ERG: variants seen among roughly 807,000 people sequenced by gnomAD.
ERG encodes ETS transcription factor ERG.
ERG carries 9 observed loss-of-function variants against 55.3 expected under a neutral mutation model. That is an observed-to-expected ratio of 0.16 (90% CI 0.10 to 0.28). The LOEUF is 0.28. Ranked by LOEUF, ERG falls within the 10% of genes least tolerant of loss-of-function variation. The probability of loss-of-function intolerance (pLI) is 1.00; values close to 1 mark genes in which losing one functional copy is unlikely to be tolerated. For synonymous variants in ERG, 223 were observed against 237.3 expected (o/e 0.94, Z 0.55); for missense variants, 434 against 631.6 (o/e 0.69, Z 3.35).
intron 2 of ERG, among the ~76,000 whole-genome samples, chr21:38,426,930 C>CA (rs11447837): frequency 0.84 from 123,791 of 147,684 alleles, 51,809 homozygotes; most frequent in South Asian, 0.91. Flanking sequence ...GACTCCATGT[C>CA]AAAAAAAAAA....
intron 4 of ERG, 75 bp from the exon 5 acceptor site, chr21:38,402,712 CAAAAAAAAA>C (rs759434219): frequency 9.7e-5 from 16 of 165,216 alleles, no homozygotes; most frequent in South Asian, 5.3e-4. Flanking sequence ...ACCTTTCTTA[CAAAAAAAAA>C]AAAAAAAAAA....
chr21:38,573,650 C>T (rs915108851), intron 2 of ERG, among the ~76,000 whole-genome samples: 18 of 152,192 alleles, frequency 1.2e-4, no homozygotes, highest in Non-Finnish European at 2.2e-4. Flanking sequence ...CTTATTATCA[C>T]CCTGCTCTCC....
intron 1 of ERG, among the ~76,000 whole-genome samples, chr21:38,600,709 G>A (rs1601298401): frequency 6.6e-6 from 1 of 152,322 alleles, no homozygotes; most frequent in South Asian, 2.1e-4. Flanking sequence ...CACAGAACCA[G>A]TTGAATGTAG....
intron 1 of ERG, among the ~76,000 whole-genome samples, chr21:38,462,552 G>A (rs1235351004): frequency 6.6e-6 from 1 of 152,164 alleles, no homozygotes; most frequent in Non-Finnish European, 1.5e-5. Flanking sequence ...CAGTAGCTAA[G>A]TGTCATAGAA....
intron 1 of ERG, among the ~76,000 whole-genome samples, chr21:38,649,303 A>G (rs565185685): frequency 1.3e-5 from 2 of 152,246 alleles, no homozygotes; most frequent in African/African-American, 4.8e-5. Context: ...TGAGCTGATG[A>G]CGTAGCGTTT....
intron 3 of ERG, among the ~76,000 whole-genome samples, chr21:38,416,485 G>A (rs915743397): frequency 6.6e-6 from 1 of 152,148 alleles, no homozygotes; most frequent in African/African-American, 2.4e-5. Flanking sequence ...CAGCATCTTG[G>A]GCAAGCTTGT....
At chr21:38,444,737 A>C (rs890245183) in intron 2 of ERG, among the ~76,000 whole-genome samples, 43 of 147,848 alleles carry the variant, frequency 2.9e-4, no homozygotes, top group East Asian at 3.9e-4. Context: ...AAAAAAAAAA[A>C]AAACAAACAG....
At chr21:38,431,580 G>C (rs1990214595) in intron 2 of ERG, among the ~76,000 whole-genome samples, 1 of 152,164 alleles carries the variant, frequency 6.6e-6, no homozygotes, top group Non-Finnish European at 1.5e-5. Flanking sequence ...CACTGAGTAA[G>C]CTTACTATTT....
chr21:38,661,020 CGGA>C (rs1220433847), intron 1 of ERG, among the ~76,000 whole-genome samples: 1 of 151,156 alleles, frequency 6.6e-6, no homozygotes, highest in Non-Finnish European at 1.5e-5. Context: ...GAGGAGGAGG[CGGA>C]GGAGGAGGAA....
intron 1 of ERG, among the ~76,000 whole-genome samples, chr21:38,463,399 C>G (rs1451442298): frequency 6.6e-6 from 1 of 152,172 alleles, no homozygotes; most frequent in African/African-American, 2.4e-5. Context: ...GAGAAAGGAG[C>G]AGGAGATTCG....
rs1383065473 is a variant in ERG at position 38,568,178 on chromosome 21, C to A, written c.-41+7484G>T. On this transcript the variant is annotated intron_variant, in intron 2 of 8. Transcript: ENST00000398897. ...TCCACTGCTATATGTAACAGTATCT[C>A]CCCTTCCACTGCTATATGCACCAGT... 2.0e-5 allele frequency among the ~76,000 whole-genome samples: 3 copies of A among 152,094 alleles called. No individual in the cohort carries two copies. The East Asian group carries it at 5.8e-4, about 29-fold the overall frequency.
intron 1 of ERG, among the ~76,000 whole-genome samples, chr21:38,482,650 G>C (rs2059248019): frequency 6.6e-6 from 1 of 151,740 alleles, no homozygotes; most frequent in African/African-American, 2.4e-5. Context: ...AAAATAAATT[G>C]TGGTGGATAT....
chr21:38,422,742 G>A (rs1989602613), intron 3 of ERG, among the ~76,000 whole-genome samples: 1 of 152,136 alleles, frequency 6.6e-6, no homozygotes. Context: ...TATGTTTGTG[G>A]TAAAGAGTTA....
At position 38,400,561 on chromosome 21, in the gene ERG, G is replaced by GGT; in HGVS notation, c.745+11_745+12dup. The GGT allele has an allele frequency of 6.3e-7, 1 of 1,598,444 alleles. No homozygotes were observed. The highest frequency in any genetic ancestry group is 8.6e-7 in the Non-Finnish European group (1 of 1,165,672). The stretch of plus-strand genomic sequence containing the variant: ...TCTCTCAATGAAGAGATCACACAGG[G>GGT]GTGTTTTCGTACCTGGCCTAGTTGT... On this transcript the variant is annotated intron_variant, in intron 6 of 9. Transcript: ENST00000288319.
intron 1 of ERG, among the ~76,000 whole-genome samples, chr21:38,622,057 C>T (rs2060293813): frequency 6.6e-6 from 1 of 152,236 alleles, no homozygotes; most frequent in African/African-American, 2.4e-5. Context: ...TCAGGTGCAG[C>T]CCCAGCTGTC....
At chr21:38,498,616 G>C, upstream of ERG, 1 of 759,420 alleles carries the variant, frequency 1.3e-6, no homozygotes, top group Non-Finnish European at 1.8e-6. The surrounding 1 kb of genome is among the most constrained non-coding windows in gnomAD (Gnocchi z 4.6). Context: ...TGTTTTTCTT[G>C]ATGATATGCA....
At chr21:38,512,845 C>T (rs1021825825) in intron 2 of ERG, among the ~76,000 whole-genome samples, 6 of 151,954 alleles carry the variant, frequency 3.9e-5, no homozygotes, top group African/African-American at 1.5e-4. Flanking sequence ...TTAATTAAAA[C>T]CTACGGGCCA....
At chr21:38,588,251 T>C (rs184189490), upstream of ERG, among the ~76,000 whole-genome samples, 11 of 152,136 alleles carry the variant, frequency 7.2e-5, no homozygotes, top group African/African-American at 2.4e-4. Context: ...CCCAGCTCAA[T>C]CACCCCTGGT....
chr21:38,411,183 G>C (rs1735472214), intron 3 of ERG, among the ~76,000 whole-genome samples: 1 of 152,216 alleles, frequency 6.6e-6, no homozygotes, highest in South Asian at 2.1e-4. Flanking sequence ...CTCAAATAAA[G>C]AGCCTACCTC....
Sources: gnomAD v4.1 joint callset for allele counts (sites outside exome capture counted in the v4.1 genomes callset) on GRCh38, gnomAD v4.1.1 for gene constraint, Gnocchi (gnomAD v3.1) non-coding constraint, MANE v1.5 for transcripts, NCBI Gene and HGNC (gene_info 2026-07-23, HGNC 2026-07-21) for gene names.